Variants in ASAP3 observed in about 807,000 individuals in gnomAD.
ASAP3 encodes the protein ArfGAP with SH3 domain, ankyrin repeat and PH domain 3.
ASAP3 carries 85 observed loss-of-function variants against 118.2 expected under a neutral mutation model. The observed-to-expected ratio is 0.72, with a 90% confidence interval of 0.60 to 0.86. The LOEUF (loss-of-function observed/expected upper bound fraction) is 0.86, where lower values mean the gene tolerates loss of function less well. ASAP3 is among the 40% of genes least tolerant of loss of function. The pLI is 0.00. For synonymous variants in ASAP3, 432 were observed against 477.4 expected (o/e 0.90, Z 1.24); for missense variants, 1,026 against 1,175.0 (o/e 0.87, Z 1.85).
intron 1 of ASAP3, among the ~76,000 whole-genome samples, chr1:23,478,054 GC>G (rs67851224): frequency 0.037 from 5,642 of 152,304 alleles, 141 homozygotes; most frequent in Middle Eastern, 0.15. Flanking sequence ...CATTCCTTGA[GC>G]AACATGATTG....
chr1:23,443,071 G>A (rs1482715069), intron 5 of ASAP3, among the ~76,000 whole-genome samples: 1 of 152,212 alleles, frequency 6.6e-6, no homozygotes, highest in East Asian at 1.9e-4. Context: ...TTTATCCCAA[G>A]AGTAATGGGA....
intron 21 of ASAP3, 76 bp downstream of exon 21, chr1:23,433,349 C>T (rs187375494): frequency 5.0e-5 from 81 of 1,612,810 alleles, no homozygotes; most frequent in East Asian, 2.7e-4. Flanking sequence ...TCACCGCCCC[C>T]GCCAACACAC....
intron 1 of ASAP3, among the ~76,000 whole-genome samples, chr1:23,478,543 G>A (rs570049993): frequency 1.7e-4 from 26 of 152,044 alleles, no homozygotes; most frequent in Non-Finnish European, 3.8e-4. Context: ...GGTGGATCAC[G>A]AGGTCAGGAG....
chr1:23,436,573 C>A lies in ASAP3; in HGVS notation c.1558G>T (p.Ala520Ser). The A allele has an allele frequency of 1.2e-6, 2 of 1,614,202 alleles. No individual in the cohort carries two copies. The highest frequency in any genetic ancestry group is 1.7e-5 in the Admixed American group (1 of 60,026). The change falls in exon 16 of 25, where the codon GCT becomes TCT. Residue 520 changes from alanine to serine, a missense_variant. By Grantham distance (99) the Ala-to-Ser change is moderately conservative (BLOSUM62 1). Coordinates refer to ENST00000336689, the MANE Select transcript of ASAP3 (RefSeq NM_017707.4). The surrounding 1 kb of genome is among the most constrained non-coding windows in gnomAD (Gnocchi z 4.2). ...GAATCCCCTTACATGTCACTCTCAG[C>A]TGAGGGTTTAGGGCCGCCGTGTGAG... ...LPSHGGPKPS[A>S]ESDMGTRRDY...
At chr1:23,441,044 C>G in intron 10 of ASAP3, 58 bp downstream of exon 10, 3 of 1,504,828 alleles carry the variant, frequency 2.0e-6, no homozygotes, top group Non-Finnish European at 2.8e-6. Context: ...CTTCCCCAAC[C>G]CTGTCATTTA....
chr1:23,433,980 T>C (rs1458094160), intron 19 of ASAP3, among the ~76,000 whole-genome samples: 1 of 152,264 alleles, frequency 6.6e-6, no homozygotes, highest in Non-Finnish European at 1.5e-5. Context: ...ACATATTAGC[T>C]ATTACAATCA....
intron 3 of ASAP3, 129 bp downstream of exon 3, chr1:23,455,752 C>T (rs1378659292): frequency 1.4e-5 from 17 of 1,181,066 alleles, no homozygotes; most frequent in Non-Finnish European, 1.8e-5. Context: ...AAAGGGACCT[C>T]AGGTCTGAAC....
intron 5 of ASAP3, among the ~76,000 whole-genome samples, chr1:23,446,626 C>T (rs1030861559): frequency 2.0e-5 from 3 of 151,852 alleles, no homozygotes; most frequent in South Asian, 2.1e-4. Context: ...TTAGTAGAGC[C>T]GGGGTTTCAC....
rs747506959 is a variant in ASAP3, at chr1:23,433,705, G to C, written c.1952-12C>G. On this transcript the variant is annotated splice_polypyrimidine_tract_variant and intron_variant, in intron 19 of 24. Transcript: ENST00000336689. ...GCCTGCTTCATTTACTGTGAGCGGG[G>C]AAAGTCAGGGTTCATGGTCATAGTC... 5 of 1,613,968 alleles carry C rather than the reference G, an allele frequency of 3.1e-6. No homozygotes were observed. The highest frequency in any genetic ancestry group is 4.2e-6 in the Non-Finnish European group (5 of 1,180,050).
At chr1:23,472,311 T>G (rs1184483236) in intron 1 of ASAP3, among the ~76,000 whole-genome samples, 1 of 152,234 alleles carries the variant, frequency 6.6e-6, no homozygotes, top group Admixed American at 6.5e-5. Flanking sequence ...GACTGAGAAC[T>G]GCTAGGTAGC....
chr1:23,450,301 G>A lies in ASAP3; in HGVS notation c.473+1178C>T, dbSNP rs144047179. On this transcript the variant is annotated intron_variant, in intron 5 of 24. Coordinates refer to ENST00000336689, the MANE Select transcript of ASAP3 (RefSeq NM_017707.4). ...TCCAAGGATGCTTCTCCAATGACAG[G>A]AACAGATTAAATACATAATGGCTTA... 1.1e-3 allele frequency among the ~76,000 whole-genome samples: 161 copies of A among 152,250 alleles called. 1 individual carries two copies. Among genetic ancestry groups the A allele is most frequent in the African/African-American group, 2.2e-3 (92 of 41,538 alleles).
chr1:23,460,478 G>C (rs907289494), intron 1 of ASAP3, among the ~76,000 whole-genome samples: 1 of 131,166 alleles, frequency 7.6e-6, no homozygotes, highest in African/African-American at 2.9e-5. Context: ...CTGCACTCCA[G>C]CCCAGGTGAC....
At chr1:23,477,056 G>A (rs990685417) in intron 1 of ASAP3, among the ~76,000 whole-genome samples, 5 of 151,308 alleles carry the variant, frequency 3.3e-5, no homozygotes, top group African/African-American at 4.8e-5. Flanking sequence ...TTGCTCTGTC[G>A]CCCAGGCTGG....
intron 17 of ASAP3, chr1:23,435,596 C>T (rs1414461417): frequency 5.4e-6 from 3 of 558,242 alleles, no homozygotes; most frequent in African/African-American, 1.9e-5. Context: ...CTATTATTAA[C>T]CCCTTTTATA....
chr1:23,467,621 C>T (rs1246871749), intron 1 of ASAP3, among the ~76,000 whole-genome samples: 3 of 152,172 alleles, frequency 2.0e-5, no homozygotes, highest in Admixed American at 1.3e-4. Flanking sequence ...GAGTTTCTTG[C>T]CCCAGGTTTC....
intron 1 of ASAP3, among the ~76,000 whole-genome samples, chr1:23,458,687 T>C (rs557436643): frequency 6.6e-6 from 1 of 151,186 alleles, no homozygotes; most frequent in African/African-American, 2.4e-5. Flanking sequence ...CTTTCTAAAC[T>C]GGCCAACAGA....
chr1:23,472,594 A>G (rs1205149699), intron 1 of ASAP3, among the ~76,000 whole-genome samples: 6 of 152,210 alleles, frequency 3.9e-5, no homozygotes, highest in Non-Finnish European at 7.3e-5. Context: ...TCCAAGGTAC[A>G]TAAGGTTTCT....
At chr1:23,447,324 T>C (rs61778860) in intron 5 of ASAP3, among the ~76,000 whole-genome samples, 14,907 of 152,240 alleles carry the variant, frequency 0.098, 852 homozygotes, top group Non-Finnish European at 0.13. Flanking sequence ...AGTGCAAGAG[T>C]AGTGATGCTA....
chr1:23,471,688 C>T (rs912903191), intron 1 of ASAP3, among the ~76,000 whole-genome samples: 2 of 152,140 alleles, frequency 1.3e-5, no homozygotes, highest in African/African-American at 4.8e-5. Context: ...GATAGATGTT[C>T]CCCATCTGTC....
Sources: gnomAD v4.1 joint callset for allele counts (sites outside exome capture counted in the v4.1 genomes callset) on GRCh38, gnomAD v4.1.1 for gene constraint, Gnocchi (gnomAD v3.1) non-coding constraint, MANE v1.5 for transcripts, NCBI Gene and HGNC (gene_info 2026-07-23, HGNC 2026-07-21) for gene names.